Variants in CEP152 observed in about 807,000 individuals in gnomAD.
The protein encoded by CEP152 is centrosomal protein 152, also known as centrosomal protein of 152 kDa.
A neutral mutation model predicts 188.9 loss-of-function variants in CEP152; 132 were observed. That is an observed-to-expected ratio of 0.70 (90% CI 0.61 to 0.81). The LOEUF (loss-of-function observed/expected upper bound fraction) is 0.81, where lower values mean the gene tolerates loss of function less well. CEP152 is among the 30% of genes least tolerant of loss of function. The pLI is 0.00. For synonymous variants in CEP152, 649 were observed against 666.6 expected (o/e 0.97, Z 0.41); for missense variants, 1,914 against 1,969.8 (o/e 0.97, Z 0.54).
chr15:48,800,080 A>T (rs1320803664), intron 2 of CEP152, among the ~76,000 whole-genome samples: 1 of 152,220 alleles, frequency 6.6e-6, no homozygotes, highest in Non-Finnish European at 1.5e-5. Flanking sequence ...AAAACAAAAA[A>T]CTACATAATA....
chr15:48,775,652 C>T (rs139332719), intron 12 of CEP152, among the ~76,000 whole-genome samples: 4 of 152,170 alleles, frequency 2.6e-5, no homozygotes, highest in African/African-American at 2.4e-5. Flanking sequence ...TCATATTATA[C>T]GATTCTATTT....
chr15:48,744,277 A>G lies in CEP152; in HGVS notation c.3798T>C (p.Leu1266=). ...TTACAGCTTTAATGTACTGCCCACG[A>G]AGTTCTTCCAAGGCTCCCCCACTGC... ...LPCSGGALEE[L]RGQYIKAVKK... Residue 1266 remains leucine (L), a synonymous_variant, in exon 24 of 27, where the codon CTT becomes CTC. Coordinates refer to ENST00000380950, the MANE Select transcript of CEP152 (RefSeq NM_001194998.2). The G allele has an allele frequency of 6.2e-7, 1 of 1,614,066 alleles. No homozygotes were observed. Among genetic ancestry groups the G allele is most frequent in the Non-Finnish European group, 8.5e-7 (1 of 1,179,982 alleles).
intron 17 of CEP152, among the ~76,000 whole-genome samples, chr15:48,763,269 T>C (rs927251763): frequency 1.3e-5 from 2 of 152,224 alleles, no homozygotes; most frequent in Non-Finnish European, 2.9e-5. Flanking sequence ...ACTATGAAAC[T>C]GCACAATTTG....
chr15:48,797,304 A>T lies in CEP152; in HGVS notation c.537T>A (p.Phe179Leu), dbSNP rs1264155172. ...GAAAGTCAAGTTTTTACAATACCTG[A>T]AAATGGTTCCATTGAGGATCTGAAA... ...IKFSDPQWNH[F>L]QGPSCQGLEP... Residue 179 changes from phenylalanine to leucine, a missense_variant, in exon 5 of 27, where the codon TTT (phenylalanine) becomes TTA (leucine). Phe to Leu is a conservative substitution (Grantham distance 22). Transcript: ENST00000380950. The T allele has an allele frequency of 1.2e-6, 2 of 1,613,844 alleles. No homozygotes were observed. Among genetic ancestry groups the T allele is most frequent in the Admixed American group, 1.7e-5 (1 of 59,998 alleles).
chr15:48,809,671 T>C (rs1298630015), intron 1 of CEP152, among the ~76,000 whole-genome samples: 2 of 152,126 alleles, frequency 1.3e-5, no homozygotes, highest in Non-Finnish European at 2.9e-5. Flanking sequence ...GAAATGGGGG[T>C]AAAAATAATA....
At chr15:48,800,182 C>T (rs1032003155) in intron 2 of CEP152, among the ~76,000 whole-genome samples, 7 of 152,090 alleles carry the variant, frequency 4.6e-5, no homozygotes, top group Non-Finnish European at 8.8e-5. Context: ...AATCAAAATG[C>T]TTCTGGATAC....
intron 12 of CEP152, 90 bp from the exon 13 acceptor site, chr15:48,772,781 T>C (rs1197564467): frequency 3.7e-6 from 4 of 1,091,248 alleles, no homozygotes; most frequent in African/African-American, 1.6e-5. Flanking sequence ...GTGGTGAACA[T>C]GTTTTGTCAC....
intron 2 of CEP152, among the ~76,000 whole-genome samples, chr15:48,731,648 G>A (rs1015918438): frequency 2.0e-5 from 3 of 152,116 alleles, no homozygotes; most frequent in African/African-American, 7.2e-5. Flanking sequence ...TGACAAAAAC[G>A]CCAAAAGCAA....
At chr15:48,742,179 T>C in intron 24 of CEP152, 79 bp from the exon 25 acceptor site, 1 of 1,280,576 alleles carries the variant, frequency 7.8e-7, no homozygotes, top group Non-Finnish European at 1.1e-6. Context: ...AGACTTCAGA[T>C]CAATTTTCTG....
intron 12 of CEP152, among the ~76,000 whole-genome samples, chr15:48,778,906 G>A (rs1410756468): frequency 6.6e-6 from 1 of 150,552 alleles, no homozygotes; most frequent in Non-Finnish European, 1.5e-5. Flanking sequence ...CCGAGATCAT[G>A]CCATTGCACT....
At chr15:48,801,104 T>C (rs77975005) in intron 2 of CEP152, among the ~76,000 whole-genome samples, 1,549 of 152,270 alleles carry the variant, frequency 0.01, 17 homozygotes, top group African/African-American at 0.035. Flanking sequence ...AGAGAAAGGG[T>C]AGCAAATGGA....
At chr15:48,776,179 A>T (rs1169116793) in intron 12 of CEP152, among the ~76,000 whole-genome samples, 1 of 152,144 alleles carries the variant, frequency 6.6e-6, no homozygotes, top group Non-Finnish European at 1.5e-5. Flanking sequence ...TCACTTTCAA[A>T]TAATTCATTA....
At chr15:48,783,870 T>G in intron 10 of CEP152, 103 bp downstream of exon 10, 1 of 1,105,728 alleles carries the variant, frequency 9.0e-7, no homozygotes, top group Non-Finnish European at 1.3e-6. Context: ...GCTGATTGTG[T>G]TTTCTGTCCC....
rs980124786 is a variant in CEP152 at position 48,797,661 on chromosome 15, A to G, written c.261T>C (p.Asn87=). 6.2e-7 allele frequency: 1 copy of G among 1,614,016 alleles called. No homozygotes were observed. Among genetic ancestry groups the G allele is most frequent in the East Asian group, 2.2e-5 (1 of 44,882 alleles). The change falls in exon 4 of 27, where the codon AAT becomes AAC. Residue 87 remains asparagine (N), a splice_region_variant and synonymous_variant. Transcript: ENST00000380950. The stretch of plus-strand genomic sequence containing the variant: ...AGTCATCATCACACCAGATACTTAC[A>G]TTTACACTTTGAGATTTGGGCAGCA... The part of the protein sequence containing the change: ...EQMLPKSQSV[N]GYNEIQSLYA...
intron 14 of CEP152, 86 bp downstream of exon 14, chr15:48,768,870 C>G: frequency 9.4e-7 from 1 of 1,067,404 alleles, no homozygotes; most frequent in Non-Finnish European, 1.3e-6. Context: ...CACATTGCCT[C>G]TTTATTTGCA....
intron 2 of CEP152, among the ~76,000 whole-genome samples, chr15:48,799,660 T>C (rs1897550137): frequency 6.6e-6 from 1 of 152,196 alleles, no homozygotes; most frequent in Admixed American, 6.5e-5. Flanking sequence ...GAATTAGCCA[T>C]ATCAGAGTTG....
intron 9 of CEP152, 95 bp downstream of exon 9, chr15:48,788,706 C>G: frequency 8.4e-7 from 1 of 1,190,682 alleles, no homozygotes; most frequent in Non-Finnish European, 1.2e-6. Context: ...CTACAAACAT[C>G]CAAGACTTCT....
intron 12 of CEP152, among the ~76,000 whole-genome samples, chr15:48,778,405 C>A (rs7179618): frequency 0.23 from 35,350 of 152,064 alleles, 5,742 homozygotes; most frequent in East Asian, 0.47. Flanking sequence ...TGAATTTGAT[C>A]TGAGTATAAT....
chr15:48,750,795 AC>A (rs1165679347), intron 21 of CEP152, among the ~76,000 whole-genome samples: 1 of 152,196 alleles, frequency 6.6e-6, no homozygotes, highest in African/African-American at 2.4e-5. Context: ...AAAGGCAACA[AC>A]TTTTTGAGGG....
Sources: allele counts gnomAD v4.1 joint callset (sites outside exome capture counted in the v4.1 genomes callset), GRCh38; gene constraint gnomAD v4.1.1; transcripts MANE v1.5; gene names NCBI Gene and HGNC (gene_info 2026-07-23, HGNC 2026-07-21).